The following ADARB2 variants were observed in gnomAD, a reference collection of about 807,000 sequenced individuals.
The protein encoded by ADARB2 is inactive double-stranded RNA-specific editase B2.
ADARB2 carries 25 observed loss-of-function variants against 62.2 expected under a neutral mutation model. That is an observed-to-expected ratio of 0.40 (90% CI 0.29 to 0.56). The LOEUF is 0.56. ADARB2 is among the 20% of genes least tolerant of loss of function. The probability of loss-of-function intolerance (pLI) is 0.43; values close to 1 mark genes in which losing one functional copy is unlikely to be tolerated. For synonymous variants in ADARB2, 572 were observed against 500.8 expected (o/e 1.14, Z -1.90); for missense variants, 1,071 against 1,077.4 (o/e 0.99, Z 0.08).
At chr10:1,447,301 G>T (rs903707731) in intron 1 of ADARB2, among the ~76,000 whole-genome samples, 6 of 152,088 alleles carry the variant, frequency 3.9e-5, no homozygotes, top group Non-Finnish European at 8.8e-5. Flanking sequence ...ACCTCTTTAG[G>T]TTTCAGTTTT....
chr10:1,599,559 A>T (rs1284259826), intron 1 of ADARB2, among the ~76,000 whole-genome samples: 1 of 152,158 alleles, frequency 6.6e-6, no homozygotes, highest in Non-Finnish European at 1.5e-5. Flanking sequence ...TTAATATTTT[A>T]ATACACATTC....
intron 1 of ADARB2, among the ~76,000 whole-genome samples, chr10:1,634,266 A>G (rs1833888158): frequency 6.6e-6 from 1 of 152,210 alleles, no homozygotes; most frequent in Admixed American, 6.5e-5. Flanking sequence ...GGACATGGGC[A>G]TTTGTATTTT....
At chr10:1,584,924 G>A (rs1489729807) in intron 1 of ADARB2, among the ~76,000 whole-genome samples, 1 of 152,176 alleles carries the variant, frequency 6.6e-6, no homozygotes, top group African/African-American at 2.4e-5. Flanking sequence ...ACAATGAAAA[G>A]ATCAGGGGTT....
Position 1,361,969 on chromosome 10 carries a change from G to T in ADARB2, c.1077+1059C>A, listed in dbSNP as rs571831048. On this transcript the variant is annotated intron_variant, in intron 3 of 9. Transcript: ENST00000381312. ...ATCTGCTACATTAGTGATGCCCACA[G>T]ATAATTCTGAACATGATAAGAGAAA... Among the ~76,000 whole-genome samples, 8 of 152,374 alleles carry T rather than the reference G, an allele frequency of 5.3e-5. No homozygotes were observed. In the South Asian group the frequency reaches 1.7e-3, roughly 32 times the overall value.
intron 1 of ADARB2, among the ~76,000 whole-genome samples, chr10:1,622,312 CA>C (rs1413184654): frequency 2.6e-5 from 4 of 152,124 alleles, no homozygotes; most frequent in African/African-American, 9.7e-5. Context: ...ACATAAAAGG[CA>C]CAATTCATTA....
At chr10:1,303,367 A>G (rs1589185986) in intron 3 of ADARB2, among the ~76,000 whole-genome samples, 1 of 151,916 alleles carries the variant, frequency 6.6e-6, no homozygotes, top group Non-Finnish European at 1.5e-5. Context: ...TCCAAGAAAT[A>G]TGGGACTATG....
At chr10:1,508,742 C>T (rs1449857079) in intron 1 of ADARB2, among the ~76,000 whole-genome samples, 1 of 152,150 alleles carries the variant, frequency 6.6e-6, no homozygotes, top group East Asian at 1.9e-4. Context: ...GAGATCACAC[C>T]ACTACACTCC....
intron 1 of ADARB2, among the ~76,000 whole-genome samples, chr10:1,600,993 G>C (rs1198512345): frequency 6.6e-6 from 1 of 152,166 alleles, no homozygotes; most frequent in Non-Finnish European, 1.5e-5. Flanking sequence ...CTTGCAGCAG[G>C]GCCTTGCTCA....
chr10:1,367,486 C>T lies in ADARB2; in HGVS notation c.188-3569G>A, dbSNP rs77547588. 1.8e-3 allele frequency among the ~76,000 whole-genome samples: 275 copies of T among 152,264 alleles called. 1 individual carries two copies. Among genetic ancestry groups the T allele is most frequent in the African/African-American group, 6.3e-3 (263 of 41,556 alleles). On this transcript the variant is annotated intron_variant, in intron 2 of 9. Transcript: ENST00000381312. ...CAGTTGATGGCGGCAGAAACCGTTA[C>T]CTTCTGAGGAGAAAGGGCTGAGTGC...
At chr10:1,510,102 T>TTCTTTCTCTCTTTCTC (rs879505010) in intron 1 of ADARB2, among the ~76,000 whole-genome samples, 6 of 132,572 alleles carry the variant, frequency 4.5e-5, no homozygotes, top group African/African-American at 5.5e-5. Context: ...TCTCTTTTCT[T>TTCTTTCTCTCTTTCTC]TCTTTCTCTC....
intron 4 of ADARB2, among the ~76,000 whole-genome samples, chr10:1,264,016 A>G (rs948040159): frequency 1.3e-5 from 2 of 152,178 alleles, no homozygotes; most frequent in Non-Finnish European, 2.9e-5. Flanking sequence ...TTTAAACCAA[A>G]GATTTAAAAT....
intron 3 of ADARB2, among the ~76,000 whole-genome samples, chr10:1,322,431 C>A (rs576494114): frequency 6.6e-6 from 1 of 152,276 alleles, no homozygotes; most frequent in South Asian, 2.1e-4. Context: ...TTCTTCATGA[C>A]TTACTACAGA....
At chr10:1,735,344 T>A (rs770963160) in intron 1 of ADARB2, among the ~76,000 whole-genome samples, 1 of 152,224 alleles carries the variant, frequency 6.6e-6, no homozygotes, top group Non-Finnish European at 1.5e-5. Flanking sequence ...TTGAATACTT[T>A]CTAAGCTAGC....
chr10:1,408,405 A>G (rs1051858624), intron 1 of ADARB2, among the ~76,000 whole-genome samples: 2 of 152,216 alleles, frequency 1.3e-5, no homozygotes, highest in Non-Finnish European at 2.9e-5. Flanking sequence ...TGCACTGAAC[A>G]TCTTTACACA....
intron 1 of ADARB2, among the ~76,000 whole-genome samples, chr10:1,462,303 C>A (rs776050603): frequency 2.2e-4 from 33 of 152,278 alleles, no homozygotes; most frequent in East Asian, 5.8e-4. Flanking sequence ...CCCCAGCAAG[C>A]CCTTTAGTGA....
At chr10:1,529,201 A>G (rs894179630) in intron 1 of ADARB2, among the ~76,000 whole-genome samples, 1 of 134,270 alleles carries the variant, frequency 7.4e-6, no homozygotes, top group Non-Finnish European at 1.6e-5. Context: ...CCCAACACCA[A>G]TCCTCCAATC....
chr10:1,673,312 T>TTGTGTGTG (rs1373662397), intron 1 of ADARB2, among the ~76,000 whole-genome samples: 2 of 72,222 alleles, frequency 2.8e-5, no homozygotes, highest in South Asian at 7.0e-4. Flanking sequence ...AGATTTCATT[T>TTGTGTGTG]TATGTGTGTG....
chr10:1,376,607 T>G (rs1417909672), intron 2 of ADARB2, among the ~76,000 whole-genome samples: 2 of 152,122 alleles, frequency 1.3e-5, no homozygotes, highest in Admixed American at 1.3e-4. Flanking sequence ...TCCCATGTAG[T>G]CAGGTGGTTT....
At chr10:1,559,642 C>T (rs759930441) in intron 1 of ADARB2, among the ~76,000 whole-genome samples, 6 of 152,136 alleles carry the variant, frequency 3.9e-5, no homozygotes, top group Non-Finnish European at 7.4e-5. Flanking sequence ...CTGAGGTCAG[C>T]GGTGGAGGAA....
Sources: gnomAD v4.1 joint callset for allele counts (sites outside exome capture counted in the v4.1 genomes callset) on GRCh38, gnomAD v4.1.1 for gene constraint, MANE v1.5 for transcripts, NCBI Gene and HGNC (gene_info 2026-07-23, HGNC 2026-07-21) for gene names.